The following DNAH11 variants were observed in gnomAD, a reference collection of about 807,000 sequenced individuals.
DNAH11 encodes the protein dynein axonemal heavy chain 11.
Under a neutral mutation model 526.0 loss-of-function variants are expected in DNAH11, and 442 were observed. The observed-to-expected ratio is 0.84, with a 90% CI of 0.78 to 0.91. DNAH11 has a LOEUF of 0.91. Ranked by LOEUF, DNAH11 falls within the 40% of genes least tolerant of loss-of-function variation. The probability of loss-of-function intolerance (pLI) is 0.00; values close to 1 mark genes in which losing one functional copy is unlikely to be tolerated. For missense variants in DNAH11, 6,989 were observed against 5,448.7 expected, an observed-to-expected ratio of 1.28 and a Z score of -8.90; for synonymous variants, 2,461 against 1,935.9, an observed-to-expected ratio of 1.27 and a Z score of -7.12.
intron 40 of DNAH11, among the ~76,000 whole-genome samples, chr7:21,709,497 C>T (rs1355082972): frequency 1.3e-5 from 2 of 152,134 alleles, no homozygotes; most frequent in African/African-American, 4.8e-5. Context: ...TGGACGATGG[C>T]ACCATTTGTA....
At chr7:21,615,020 A>G in intron 20 of DNAH11, 94 bp from the exon 21 acceptor site, 1 of 1,345,740 alleles carries the variant, frequency 7.4e-7, no homozygotes, top group Non-Finnish European at 1.0e-6. Flanking sequence ...GTTAAAAATC[A>G]AAGATTGAAA....
intron 76 of DNAH11, among the ~76,000 whole-genome samples, chr7:21,884,879 C>G (rs1486224082): frequency 6.6e-6 from 1 of 151,982 alleles, no homozygotes; most frequent in Admixed American, 6.6e-5. Flanking sequence ...TCATGGAAGT[C>G]CTAGAAAATA....
At chr7:21,738,921 A>T in intron 47 of DNAH11, 55 bp downstream of exon 47, 4 of 1,351,594 alleles carry the variant, frequency 3.0e-6, no homozygotes, top group Non-Finnish European at 4.0e-6. Flanking sequence ...TATTATGGAT[A>T]ATAATTACTA....
intron 61 of DNAH11, among the ~76,000 whole-genome samples, chr7:21,797,841 A>G (rs191456826): frequency 1.9e-3 from 297 of 152,356 alleles, no homozygotes; most frequent in Non-Finnish European, 3.2e-3. Context: ...AAAAGGAACC[A>G]AAGTGAATTT....
Position 21,696,767 on chromosome 7 carries a change from A to G in DNAH11, c.6042-1308A>G, listed in dbSNP as rs975681802. 4.6e-5 allele frequency among the ~76,000 whole-genome samples: 7 copies of G among 152,312 alleles called. 1 individual carries two copies. Among genetic ancestry groups the G allele is most frequent in the African/African-American group, 1.4e-4 (6 of 41,570 alleles). The stretch of plus-strand genomic sequence containing the variant: ...ACAGCATGTGCTTGAACTTCTGGGA[A>G]CATCAGTCTGCCTCTCTGTAAAATG... On this transcript the variant is annotated intron_variant, in intron 35 of 81. Coordinates refer to ENST00000409508, the MANE Select transcript of DNAH11 (RefSeq NM_001277115.2).
At chr7:21,772,308 T>A (rs904538011) in intron 55 of DNAH11, among the ~76,000 whole-genome samples, 1 of 151,648 alleles carries the variant, frequency 6.6e-6, no homozygotes, top group African/African-American at 2.4e-5. Context: ...CTCATAAGGA[T>A]CATGGTTGGG....
At chr7:21,783,645 C>A (rs1205590476) in intron 57 of DNAH11, among the ~76,000 whole-genome samples, 1 of 151,092 alleles carries the variant, frequency 6.6e-6, no homozygotes, top group African/African-American at 2.4e-5. Flanking sequence ...CCACTTCCCA[C>A]CCCCGCCCTG....
chr7:21,891,654 C>G (rs990540279), intron 76 of DNAH11, among the ~76,000 whole-genome samples: 3 of 152,182 alleles, frequency 2.0e-5, no homozygotes, highest in African/African-American at 7.2e-5. Context: ...TGTCTACCCT[C>G]TTGCCCCAGC....
intron 65 of DNAH11, among the ~76,000 whole-genome samples, chr7:21,836,600 G>A (rs1782006108): frequency 6.6e-6 from 1 of 152,078 alleles, no homozygotes. Flanking sequence ...ACTCAAAGTA[G>A]ATGAAAGACT....
chr7:21,866,144 G>C (rs1449957508), intron 70 of DNAH11, among the ~76,000 whole-genome samples: 2 of 152,094 alleles, frequency 1.3e-5, no homozygotes, highest in Non-Finnish European at 2.9e-5. Flanking sequence ...AATTTACCCA[G>C]CTCCTATTCA....
chr7:21,663,966 T>C (rs1782330970), intron 30 of DNAH11, among the ~76,000 whole-genome samples: 1 of 152,030 alleles, frequency 6.6e-6, no homozygotes, highest in Non-Finnish European at 1.5e-5. Context: ...CTGGATCATA[T>C]GGTAATTCTA....
At chr7:21,648,245 C>T (rs1001941058) in intron 28 of DNAH11, among the ~76,000 whole-genome samples, 2 of 152,174 alleles carry the variant, frequency 1.3e-5, no homozygotes, top group Non-Finnish European at 2.9e-5. Context: ...AATAAAAGTA[C>T]GTAACGTACA....
At chr7:21,881,814 C>A (rs1374255754) in intron 75 of DNAH11, among the ~76,000 whole-genome samples, 3 of 152,022 alleles carry the variant, frequency 2.0e-5, no homozygotes, top group African/African-American at 7.3e-5. Context: ...AGAATAGATA[C>A]CCTTGGTACC....
intron 25 of DNAH11, among the ~76,000 whole-genome samples, chr7:21,633,315 C>A (rs553078082): frequency 6.6e-6 from 1 of 152,248 alleles, no homozygotes; most frequent in African/African-American, 2.4e-5. Context: ...CTGTCGATGT[C>A]CATTAGGTCT....
intron 76 of DNAH11, among the ~76,000 whole-genome samples, chr7:21,890,351 G>C (rs1784288269): frequency 6.6e-6 from 1 of 152,184 alleles, no homozygotes; most frequent in Non-Finnish European, 1.5e-5. Context: ...TCTTTCCAAA[G>C]AGCATGGGCC....
intron 31 of DNAH11, among the ~76,000 whole-genome samples, chr7:21,683,129 G>T (rs1783210930): frequency 6.6e-6 from 1 of 152,104 alleles, no homozygotes; most frequent in Non-Finnish European, 1.5e-5. Flanking sequence ...TAATATACGT[G>T]AATATGCAAT....
chr7:21,667,893 C>T (rs542452479), intron 30 of DNAH11, among the ~76,000 whole-genome samples: 6 of 152,116 alleles, frequency 3.9e-5, no homozygotes, highest in Middle Eastern at 3.4e-3. Flanking sequence ...AGACCATTAA[C>T]GATGGAAATA....
chr7:21,803,936 G>A (rs1004129558), intron 62 of DNAH11, among the ~76,000 whole-genome samples: 1 of 152,102 alleles, frequency 6.6e-6, no homozygotes, highest in Non-Finnish European at 1.5e-5. Flanking sequence ...GAATGGGGCT[G>A]TCATCATTGG....
Position 21,588,124 on chromosome 7 carries a change from C to A in DNAH11, c.1771C>A (p.His591Asn), listed in dbSNP as rs1583505393. 1 of 1,613,412 alleles carries A rather than the reference C, an allele frequency of 6.2e-7. No homozygotes were observed. ...AGTTGTCATGGAAATTTTCAGCCTA[C>A]ATTACAGCACACTAGTGCATATGTT... The part of the protein sequence containing the change: ...KPVVMEIFSL[H>N]YSTLVHMFNT... Residue 591 changes from histidine to asparagine, a missense_variant, in exon 10 of 82, where the codon CAT becomes AAT. Physicochemically the swap from His to Asn is moderately conservative, Grantham distance 68. Coordinates refer to ENST00000409508, the MANE Select transcript of DNAH11 (RefSeq NM_001277115.2).
Sources: allele counts gnomAD v4.1 joint callset (sites outside exome capture counted in the v4.1 genomes callset), GRCh38; gene constraint gnomAD v4.1.1; transcripts MANE v1.5; gene names NCBI Gene and HGNC (gene_info 2026-07-23, HGNC 2026-07-21).